AOPEP: variants seen among roughly 807,000 people sequenced by gnomAD.
AOPEP encodes the protein aminopeptidase O (putative).
In AOPEP, 77 loss-of-function variants were observed where a neutral mutation model predicts 98.1. That is an observed-to-expected ratio of 0.78 (90% CI 0.65 to 0.95). The LOEUF (loss-of-function observed/expected upper bound fraction) is 0.95. Ranked by LOEUF, AOPEP falls within the 40% of genes least tolerant of loss-of-function variation. AOPEP has a pLI of 0.00. For missense variants in AOPEP, 1,024 were observed against 1,024.7 expected, an observed-to-expected ratio of 1.00 and a Z score of 0.01; for synonymous variants, 346 against 365.3, an observed-to-expected ratio of 0.95 and a Z score of 0.60.
rs751851427 is a variant in AOPEP, at chr9:94,863,344, G to A, written c.1365-60642G>A. ...CACCCAGGCTGGAGTGCAGTGGCGT[G>A]GTCTCGGCTCACTGCCAGCTCTGCC... On this transcript the variant is annotated intron_variant, in intron 5 of 16. Transcript: ENST00000375315. Among the ~76,000 whole-genome samples the A allele has an allele frequency of 2.4e-3, 360 of 150,182 alleles. 1 individual carries two copies. Among genetic ancestry groups the A allele is most frequent in the Non-Finnish European group, 4.0e-3 (270 of 67,708 alleles).
chr9:94,835,140 G>A (rs145028917), intron 5 of AOPEP, among the ~76,000 whole-genome samples: 2 of 152,104 alleles, frequency 1.3e-5, no homozygotes, highest in African/African-American at 2.4e-5. Context: ...CAGTCTTTTC[G>A]GGGTATTGTT....
At chr9:94,982,956 C>T (rs1305397001) in intron 11 of AOPEP, among the ~76,000 whole-genome samples, 1 of 152,142 alleles carries the variant, frequency 6.6e-6, no homozygotes, top group Non-Finnish European at 1.5e-5. Flanking sequence ...TAAATTTCTG[C>T]ATCCAGCCTT....
intron 9 of AOPEP, among the ~76,000 whole-genome samples, chr9:94,964,244 A>G (rs1230225194): frequency 6.6e-6 from 1 of 152,192 alleles, no homozygotes; most frequent in Non-Finnish European, 1.5e-5. Flanking sequence ...TGTTGCCTGC[A>G]GGCCTGAGCT....
At chr9:95,040,590 A>G (rs562770917) in intron 13 of AOPEP, among the ~76,000 whole-genome samples, 1 of 152,328 alleles carries the variant, frequency 6.6e-6, no homozygotes, top group East Asian at 1.9e-4. Context: ...CTGCGATGAA[A>G]GAGGAGAGCA....
chr9:94,996,865 G>T (rs1050313442), intron 11 of AOPEP, among the ~76,000 whole-genome samples: 1 of 152,166 alleles, frequency 6.6e-6, no homozygotes, highest in African/African-American at 2.4e-5. Context: ...AGCATGGGTT[G>T]CTTCCTGAAT....
At chr9:94,833,391 C>T (rs2041162676) in intron 5 of AOPEP, among the ~76,000 whole-genome samples, 1 of 151,922 alleles carries the variant, frequency 6.6e-6, no homozygotes, top group Admixed American at 6.6e-5. Flanking sequence ...GTGTGTGCCA[C>T]CACACTCAGC....
At chr9:94,768,745 C>G (rs915625705) in intron 2 of AOPEP, among the ~76,000 whole-genome samples, 1 of 152,230 alleles carries the variant, frequency 6.6e-6, no homozygotes, top group East Asian at 1.9e-4. Context: ...TTAATCTGGG[C>G]TCCCCAAGGA....
intron 4 of AOPEP, among the ~76,000 whole-genome samples, chr9:94,793,288 C>T (rs1013292611): frequency 5.3e-5 from 8 of 151,850 alleles, no homozygotes; most frequent in African/African-American, 7.3e-5. Context: ...GCAGAGGTTG[C>T]GGTGAGCTGA....
intron 13 of AOPEP, among the ~76,000 whole-genome samples, chr9:95,024,828 G>A (rs904839744): frequency 1.3e-5 from 2 of 152,014 alleles, no homozygotes; most frequent in East Asian, 1.9e-4. Context: ...TCATCCTATC[G>A]ACTTCAGCTA....
intron 5 of AOPEP, among the ~76,000 whole-genome samples, chr9:94,822,736 G>T (rs732141): frequency 0.77 from 117,691 of 152,102 alleles, 47,280 homozygotes; most frequent in Non-Finnish European, 0.89. Flanking sequence ...GATAGGAACT[G>T]TTTATCGAGC....
At chr9:95,144,681 G>A in the AOPEP span, among the ~76,000 whole-genome samples, 1 of 152,232 alleles carries the variant, frequency 6.6e-6, no homozygotes, top group South Asian at 2.1e-4. Flanking sequence ...GATGAATCAA[G>A]AAGGGAGCTG....
chr9:94,767,422 C>T (rs576160472), intron 2 of AOPEP, among the ~76,000 whole-genome samples: 1 of 152,314 alleles, frequency 6.6e-6, no homozygotes, highest in Admixed American at 6.5e-5. Context: ...AAAGCATCTA[C>T]AGAAAATAAC....
intron 11 of AOPEP, among the ~76,000 whole-genome samples, chr9:94,999,137 T>TAA (rs201082999): frequency 4.7e-4 from 70 of 149,984 alleles, no homozygotes; most frequent in African/African-American, 1.6e-3. Flanking sequence ...AAAAGGAAAT[T>TAA]AAAAAAAAAC....
intron 7 of AOPEP, among the ~76,000 whole-genome samples, chr9:94,942,904 CAAAAAAAAA>C (rs35186299): frequency 1.2e-5 from 1 of 82,800 alleles, no homozygotes; most frequent in African/African-American, 4.3e-5. Context: ...GAGTCTGTCT[CAAAAAAAAA>C]AAAAAAAAAA....
chr9:94,928,326 C>A, intron 6 of AOPEP, 99 bp from the exon 7 acceptor site: 1 of 817,008 alleles, frequency 1.2e-6, no homozygotes, highest in Non-Finnish European at 1.9e-6. Context: ...CAGGGGCAGG[C>A]TATCTTGTCC....
chr9:94,738,813 A>G (rs1053768137), intron 1 of AOPEP, among the ~76,000 whole-genome samples: 3 of 152,168 alleles, frequency 2.0e-5, no homozygotes, highest in Admixed American at 6.5e-5. Context: ...TGACTTCGTG[A>G]TCCGCCCGCC....
At chr9:94,782,440 A>G (rs533010895) in intron 3 of AOPEP, among the ~76,000 whole-genome samples, 1 of 152,326 alleles carries the variant, frequency 6.6e-6, no homozygotes, top group East Asian at 1.9e-4. Flanking sequence ...GGCCTGCCCA[A>G]TAGACTAGCT....
chr9:95,071,723 C>T (rs1309235810), intron 14 of AOPEP, among the ~76,000 whole-genome samples: 1 of 152,102 alleles, frequency 6.6e-6, no homozygotes, highest in Admixed American at 6.5e-5. Context: ...GTGCCTGTAG[C>T]CATGTCTGCT....
the AOPEP span, among the ~76,000 whole-genome samples, chr9:95,111,944 C>T: frequency 5.2e-4 from 79 of 152,302 alleles, no homozygotes; most frequent in African/African-American, 1.9e-3. Flanking sequence ...CCATGACCAA[C>T]AGGAATGTGG....
Sources: allele counts gnomAD v4.1 joint callset (sites outside exome capture counted in the v4.1 genomes callset), GRCh38; gene constraint gnomAD v4.1.1; transcripts MANE v1.5; gene names NCBI Gene and HGNC (gene_info 2026-07-23, HGNC 2026-07-21).